The following KLHL18 variants were observed in gnomAD, a reference collection of about 807,000 sequenced individuals.
KLHL18 encodes the protein kelch like family member 18.
KLHL18 carries 38 observed loss-of-function variants against 58.5 expected under a neutral mutation model. That is an observed-to-expected ratio of 0.65 (90% CI 0.50 to 0.85). The LOEUF is 0.85. Ranked by LOEUF, KLHL18 falls within the 40% of genes least tolerant of loss-of-function variation. KLHL18 has a pLI of 0.00. For missense variants in KLHL18, 624 were observed against 778.4 expected (o/e 0.80, Z 2.36); for synonymous variants, 303 against 301.9 (o/e 1.00, Z -0.04).
chr3:47,311,231 G>T (rs1022117761), intron 1 of KLHL18, among the ~76,000 whole-genome samples: 1 of 151,714 alleles, frequency 6.6e-6, no homozygotes, highest in African/African-American at 2.4e-5. Context: ...GGATGACCTC[G>T]ATCTTCTGGC....
At chr3:47,324,620 G>A (rs1191643253) in intron 3 of KLHL18, among the ~76,000 whole-genome samples, 2 of 151,824 alleles carry the variant, frequency 1.3e-5, no homozygotes, top group Non-Finnish European at 2.9e-5. Context: ...ATTGCTTGAG[G>A]TTAGGATTTC....
intron 4 of KLHL18, 91 bp from the exon 5 acceptor site, chr3:47,333,066 A>G: frequency 2.3e-6 from 3 of 1,331,380 alleles, no homozygotes; most frequent in Non-Finnish European, 3.1e-6. Context: ...GGACTGCTTC[A>G]GTATAGGAAG....
chr3:47,308,534 G>A (rs1206770271), intron 1 of KLHL18, among the ~76,000 whole-genome samples: 2 of 152,158 alleles, frequency 1.3e-5, no homozygotes, highest in South Asian at 2.1e-4. Context: ...GGGACTACAG[G>A]TGCATGCCAC....
intron 3 of KLHL18, among the ~76,000 whole-genome samples, chr3:47,324,702 G>T (rs1262141637): frequency 6.6e-6 from 1 of 152,164 alleles, no homozygotes; most frequent in East Asian, 1.9e-4. Context: ...GTCAAGTGCA[G>T]TGGCTCACAT....
intron 1 of KLHL18, among the ~76,000 whole-genome samples, chr3:47,283,784 C>G (rs1377725489): frequency 6.6e-6 from 1 of 152,204 alleles, no homozygotes; most frequent in Non-Finnish European, 1.5e-5. Context: ...AGCCAGCCTC[C>G]CTCCTGTGCC....
At chr3:47,315,674 A>C (rs1298355367) in intron 1 of KLHL18, among the ~76,000 whole-genome samples, 1 of 152,230 alleles carries the variant, frequency 6.6e-6, no homozygotes, top group Non-Finnish European at 1.5e-5. Context: ...CCCACAAATC[A>C]ACAAGCCTAC....
chr3:47,293,674 G>A (rs1254082429), intron 1 of KLHL18, among the ~76,000 whole-genome samples: 6 of 152,214 alleles, frequency 3.9e-5, no homozygotes, highest in Non-Finnish European at 7.3e-5. Context: ...AAAACAAGCC[G>A]TGCTAACATG....
At chr3:47,309,867 A>G (rs295437) in intron 1 of KLHL18, among the ~76,000 whole-genome samples, 146,628 of 152,202 alleles carry the variant, frequency 0.96, 70,894 homozygotes, top group East Asian at 1. Context: ...CAGGCGTGGC[A>G]GCGCGCGCCT....
At chr3:47,313,936 G>C (rs1183975554) in intron 1 of KLHL18, among the ~76,000 whole-genome samples, 3 of 152,198 alleles carry the variant, frequency 2.0e-5, no homozygotes, top group Admixed American at 6.5e-5. Context: ...GTTGCTGTGA[G>C]GACTGAAATG....
chr3:47,340,381 G>A (rs958816086), intron 7 of KLHL18, among the ~76,000 whole-genome samples, 191 bp from the exon 8 acceptor site: 4 of 152,114 alleles, frequency 2.6e-5, no homozygotes, highest in East Asian at 1.9e-4. Flanking sequence ...GGCAGCCTGC[G>A]GTAGAAGGGT....
intron 1 of KLHL18, among the ~76,000 whole-genome samples, chr3:47,300,346 T>C (rs1225945609): frequency 6.8e-6 from 1 of 147,034 alleles, no homozygotes; most frequent in Non-Finnish European, 1.5e-5. Flanking sequence ...CGTGTGTATG[T>C]GTATATATGT....
At chr3:47,311,407 T>C (rs1002071646) in intron 1 of KLHL18, among the ~76,000 whole-genome samples, 2 of 152,078 alleles carry the variant, frequency 1.3e-5, no homozygotes, top group Admixed American at 1.3e-4. Context: ...AAAAACCAAG[T>C]ATAGGCCAGG....
chr3:47,313,986 A>T (rs143349226), intron 1 of KLHL18, among the ~76,000 whole-genome samples: 33 of 152,368 alleles, frequency 2.2e-4, no homozygotes, highest in African/African-American at 7.5e-4. Context: ...AGTCAGTGGC[A>T]TACAAAAGGA....
In KLHL18 at chr3:47,336,590, A is replaced by T; in HGVS notation, c.954A>T (p.Arg318Ser). 1 of 1,614,240 alleles carries T rather than the reference A, an allele frequency of 6.2e-7. No individual in the cohort carries two copies. The highest frequency in any genetic ancestry group is 8.5e-7 in the Non-Finnish European group (1 of 1,180,044). Residue 318 changes from arginine (R) to serine (S), a missense_variant, in exon 7 of 10, where the codon AGA (arginine) becomes AGT (serine). Transcript: ENST00000232766. ...VFDPIANCWE[R>S]CRPMTTARSR... is the part of the protein sequence containing the mutation. The stretch of plus-strand genomic sequence containing the variant: ...ACCCCATTGCCAATTGCTGGGAGAG[A>T]TGCCGTCCCATGACAACAGCCCGCA...
chr3:47,321,424 G>C (rs997112262), intron 2 of KLHL18, among the ~76,000 whole-genome samples: 3 of 150,242 alleles, frequency 2.0e-5, no homozygotes, highest in African/African-American at 7.4e-5. Context: ...TCTGTTCACT[G>C]CAACAACCTC....
intron 1 of KLHL18, among the ~76,000 whole-genome samples, chr3:47,288,220 CAAAA>C (rs768468646): frequency 1.1e-4 from 5 of 44,626 alleles, no homozygotes; most frequent in African/African-American, 3.2e-4. Flanking sequence ...ACTCTGTCTC[CAAAA>C]AAAAAAAAAA....
intron 7 of KLHL18, among the ~76,000 whole-genome samples, chr3:47,339,555 A>T (rs1265899117): frequency 6.6e-6 from 1 of 152,200 alleles, no homozygotes; most frequent in African/African-American, 2.4e-5. Context: ...AATGCACAGC[A>T]AACAGGAGCT....
intron 1 of KLHL18, among the ~76,000 whole-genome samples, chr3:47,288,955 T>G (rs554180586): frequency 6.6e-6 from 1 of 152,384 alleles, no homozygotes; most frequent in South Asian, 2.1e-4. Flanking sequence ...CATTGTCTGA[T>G]TCATCTGGGT....
chr3:47,302,670 G>A (rs1406729194), intron 1 of KLHL18, among the ~76,000 whole-genome samples: 3 of 151,846 alleles, frequency 2.0e-5, no homozygotes, highest in Admixed American at 2.0e-4. Context: ...GTGTACAAGT[G>A]GACCTACACA....
Sources: allele counts gnomAD v4.1 joint callset (sites outside exome capture counted in the v4.1 genomes callset), GRCh38; gene constraint gnomAD v4.1.1; transcripts MANE v1.5; gene names NCBI Gene and HGNC (gene_info 2026-07-23, HGNC 2026-07-21).